Variants in HSPA12A observed in about 807,000 individuals in gnomAD.
The protein encoded by HSPA12A is heat shock 70 kDa protein 12A.
A neutral mutation model predicts 69.2 loss-of-function variants in HSPA12A; 28 were observed. The ratio of observed to expected loss-of-function variants is 0.40; its 90% confidence interval spans 0.30 to 0.55. The LOEUF (loss-of-function observed/expected upper bound fraction) is 0.55. Among genes scored for constraint, HSPA12A ranks in the 20% least tolerant of loss-of-function variants. The pLI, the probability that HSPA12A is intolerant of heterozygous loss-of-function variation, is 0.38. For synonymous variants in HSPA12A, 345 were observed against 370.5 expected, an observed-to-expected ratio of 0.93 and a Z score of 0.79; for missense variants, 686 against 900.7, an observed-to-expected ratio of 0.76 and a Z score of 3.05.
intron 2 of HSPA12A, among the ~76,000 whole-genome samples, chr10:116,820,187 A>T (rs553306441): frequency 2.3e-4 from 35 of 152,342 alleles, no homozygotes; most frequent in African/African-American, 8.2e-4. Flanking sequence ...AATTAGACAA[A>T]TATGACATGA....
chr10:116,825,063 C>A (rs1211107078), intron 2 of HSPA12A, among the ~76,000 whole-genome samples: 1 of 151,860 alleles, frequency 6.6e-6, no homozygotes, highest in Non-Finnish European at 1.5e-5. Flanking sequence ...TGGTGCACGC[C>A]TGTAGTCCTA....
intron 1 of HSPA12A, among the ~76,000 whole-genome samples, chr10:116,711,667 CTT>C (rs371161580): frequency 1.6e-5 from 2 of 126,870 alleles, no homozygotes; most frequent in Non-Finnish European, 1.6e-5. Flanking sequence ...CTTTTTTTTT[CTT>C]TTTTTTTTTT....
upstream of HSPA12A, among the ~76,000 whole-genome samples, chr10:116,744,780 GA>G (rs1554887695): frequency 6.6e-6 from 1 of 152,244 alleles, no homozygotes; most frequent in Non-Finnish European, 1.5e-5. Context: ...AGAGGAAAAG[GA>G]AGCATTCAAA....
chr10:116,734,436 C>T (rs1427114185), intron 1 of HSPA12A, among the ~76,000 whole-genome samples: 6 of 138,512 alleles, frequency 4.3e-5, no homozygotes, highest in East Asian at 2.1e-4. Flanking sequence ...GGCAATAGAG[C>T]GAGACTCTGT....
At chr10:116,742,370 C>A in intron 1 of HSPA12A, 60 bp downstream of exon 1, 2 of 1,409,422 alleles carry the variant, frequency 1.4e-6, no homozygotes, top group Non-Finnish European at 1.8e-6. Context: ...TTGGGCCAAG[C>A]GCGCCTCCTC....
chr10:116,777,176 T>C (rs1844357022), intron 2 of HSPA12A, among the ~76,000 whole-genome samples: 1 of 152,180 alleles, frequency 6.6e-6, no homozygotes, highest in African/African-American at 2.4e-5. Context: ...GGTGTTAAGT[T>C]CTTGCCGCGT....
chr10:116,818,911 G>C (rs1188185948), intron 2 of HSPA12A, among the ~76,000 whole-genome samples: 2 of 151,948 alleles, frequency 1.3e-5, no homozygotes, highest in Non-Finnish European at 2.9e-5. Flanking sequence ...CGCACCTAAG[G>C]GCACCCTTCC....
intron 1 of HSPA12A, among the ~76,000 whole-genome samples, chr10:116,724,172 G>C (rs1399617394): frequency 6.6e-6 from 1 of 152,186 alleles, no homozygotes; most frequent in African/African-American, 2.4e-5. Flanking sequence ...TGGAGGCAGG[G>C]CCACAAGGGA....
intron 2 of HSPA12A, among the ~76,000 whole-genome samples, chr10:116,803,028 G>A (rs928548968): frequency 4.7e-5 from 7 of 148,834 alleles, no homozygotes; most frequent in Non-Finnish European, 1.0e-4. Context: ...AAGAAATAAA[G>A]CATGTTTGGA....
chr10:116,743,156 C>G (rs577479952), upstream of HSPA12A, among the ~76,000 whole-genome samples: 1 of 152,338 alleles, frequency 6.6e-6, no homozygotes, highest in East Asian at 1.9e-4. Context: ...CATGGCAACT[C>G]CGGACCCAGG....
At chr10:116,691,063 T>G (rs1173027379) in intron 6 of HSPA12A, among the ~76,000 whole-genome samples, 1 of 152,220 alleles carries the variant, frequency 6.6e-6, no homozygotes, top group Non-Finnish European at 1.5e-5. Context: ...AACTGCATTT[T>G]GTAATTCTCT....
intron 2 of HSPA12A, among the ~76,000 whole-genome samples, chr10:116,783,289 T>A (rs1442404514): frequency 2.6e-5 from 4 of 152,150 alleles, no homozygotes; most frequent in Admixed American, 2.6e-4. Context: ...TCTGGAAGAA[T>A]TTGGAGGAGT....
At chr10:116,711,841 T>C (rs531812808) in intron 1 of HSPA12A, among the ~76,000 whole-genome samples, 1 of 151,708 alleles carries the variant, frequency 6.6e-6, no homozygotes, top group South Asian at 2.1e-4. Context: ...TGTTTTTTTT[T>C]TTTAAATTTT....
intron 2 of HSPA12A, among the ~76,000 whole-genome samples, chr10:116,757,399 T>G (rs1554888874): frequency 1.3e-5 from 2 of 152,164 alleles, no homozygotes; most frequent in African/African-American, 4.8e-5. Flanking sequence ...AAACCGTCCA[T>G]GTAGGGCGAC....
At chr10:116,679,363 A>C in intron 10 of HSPA12A, 140 bp downstream of exon 10, 66 of 935,344 alleles carry the variant, frequency 7.1e-5, no homozygotes, top group Non-Finnish European at 9.9e-5. Flanking sequence ...AACTGAGGGA[A>C]GAGAAGTTGA....
intron 2 of HSPA12A, among the ~76,000 whole-genome samples, chr10:116,773,028 T>C (rs904695911): frequency 1.2e-4 from 19 of 152,140 alleles, no homozygotes; most frequent in Admixed American, 9.8e-4. Context: ...GAGAAGGGGC[T>C]CATTCAGTCA....
chr10:116,798,454 C>T (rs1415485132), intron 2 of HSPA12A, among the ~76,000 whole-genome samples: 1 of 152,182 alleles, frequency 6.6e-6, no homozygotes, highest in Non-Finnish European at 1.5e-5. Flanking sequence ...CATTTGGGAT[C>T]ACAGCCCACA....
At position 116,814,944 on chromosome 10, in the gene HSPA12A, A is replaced by G. The variant is rs549035380; in HGVS notation, c.91+19991T>C. Among the ~76,000 whole-genome samples the G allele has an allele frequency of 1.4e-4, 22 of 152,292 alleles. No individual in the cohort carries two copies. In the East Asian group the frequency reaches 3.7e-3, roughly 25 times the overall value. ...GACTTAGTTTCCTAAAACCCATCAGATGGAGAGCAGACAGCAAAGGGGCAG... is the reference window on the plus strand; with the variant it reads ...GACTTAGTTTCCTAAAACCCATCAGGTGGAGAGCAGACAGCAAAGGGGCAG... On this transcript the variant is annotated intron_variant, in intron 2 of 12. Transcript: ENST00000635765.
chr10:116,824,303 G>A (rs1272827968), intron 2 of HSPA12A, among the ~76,000 whole-genome samples: 1 of 152,206 alleles, frequency 6.6e-6, no homozygotes, highest in African/African-American at 2.4e-5. Context: ...TACACTGTTG[G>A]TAGGAATACA....
Sources: allele counts gnomAD v4.1 joint callset (sites outside exome capture counted in the v4.1 genomes callset), GRCh38; gene constraint gnomAD v4.1.1; transcripts MANE v1.5; gene names NCBI Gene and HGNC (gene_info 2026-07-23, HGNC 2026-07-21).